Variants in BBX observed in about 807,000 individuals in gnomAD.
BBX encodes the protein HMG box transcription factor BBX.
BBX carries 30 observed loss-of-function variants against 100.2 expected under a neutral mutation model. The observed-to-expected ratio is 0.30, with a 90% CI of 0.22 to 0.41. The LOEUF (loss-of-function observed/expected upper bound fraction) is 0.41. Among genes scored for constraint, BBX ranks in the 10% least tolerant of loss-of-function variants. The pLI is 1.00. For synonymous variants in BBX, 376 were observed against 388.1 expected (o/e 0.97, Z 0.37); for missense variants, 1,023 against 1,129.8 (o/e 0.91, Z 1.35).
chr3:107,634,664 TCCTGTTACTGTTCAC>T (rs1333358075), intron 2 of BBX, among the ~76,000 whole-genome samples: 1 of 152,212 alleles, frequency 6.6e-6, no homozygotes, highest in Non-Finnish European at 1.5e-5. Context: ...GTGTTACTAT[TCCTGTTACTGTTCAC>T]CCTGAAAATA....
intron 8 of BBX, among the ~76,000 whole-genome samples, chr3:107,747,552 C>T (rs978173706): frequency 3.9e-5 from 6 of 152,170 alleles, no homozygotes; most frequent in Non-Finnish European, 8.8e-5. Flanking sequence ...TGCATCACAG[C>T]TGCCTCTAAC....
intron 3 of BBX, among the ~76,000 whole-genome samples, chr3:107,671,587 G>A (rs1181110515): frequency 6.6e-6 from 1 of 152,062 alleles, no homozygotes; most frequent in East Asian, 1.9e-4. Context: ...GTTCACTGAA[G>A]AAAGTCAATT....
At chr3:107,688,041 G>A (rs982169125) in intron 3 of BBX, among the ~76,000 whole-genome samples, 2 of 151,698 alleles carry the variant, frequency 1.3e-5, no homozygotes, top group East Asian at 1.9e-4. Context: ...CGTGATGAGC[G>A]AAACTCCATC....
At chr3:107,571,721 G>C (rs142187296) in intron 2 of BBX, among the ~76,000 whole-genome samples, 2 of 152,336 alleles carry the variant, frequency 1.3e-5, no homozygotes, top group African/African-American at 4.8e-5. Context: ...TGTCACGCGA[G>C]TCTATGTGAA....
chr3:107,709,070 G>A (rs1482951845), intron 3 of BBX, among the ~76,000 whole-genome samples: 1 of 152,174 alleles, frequency 6.6e-6, no homozygotes, highest in African/African-American at 2.4e-5. Flanking sequence ...ATATAGGATA[G>A]AAGGAATAAT....
intron 2 of BBX, among the ~76,000 whole-genome samples, chr3:107,534,479 CTCT>C (rs1229175733): frequency 1.3e-5 from 2 of 152,128 alleles, no homozygotes; most frequent in African/African-American, 2.4e-5. Flanking sequence ...CTCCCTCCTT[CTCT>C]TCTTCTTCCT....
chr3:107,668,724 T>G (rs1263616438), intron 3 of BBX, among the ~76,000 whole-genome samples: 3 of 152,226 alleles, frequency 2.0e-5, no homozygotes, highest in Non-Finnish European at 4.4e-5. Flanking sequence ...CATTGGAGCT[T>G]AATCAAGATT....
At chr3:107,523,799 C>T (rs2047540303) in intron 1 of BBX, 1 of 152,436 alleles carries the variant, frequency 6.6e-6, no homozygotes. Context: ...CCCAGTTGCT[C>T]GTTCATCTGG....
At chr3:107,533,144 A>G (rs1406678142) in intron 2 of BBX, among the ~76,000 whole-genome samples, 2 of 152,160 alleles carry the variant, frequency 1.3e-5, no homozygotes, top group African/African-American at 4.8e-5. Context: ...TCCTAGATAT[A>G]GCTAGGAATG....
At chr3:107,535,773 G>A (rs1325279356) in intron 2 of BBX, among the ~76,000 whole-genome samples, 1 of 151,878 alleles carries the variant, frequency 6.6e-6, no homozygotes, top group Admixed American at 6.6e-5. Flanking sequence ...TTGTATTAAT[G>A]TTTTTAGGAG....
At chr3:107,575,285 A>C (rs562273178) in intron 2 of BBX, among the ~76,000 whole-genome samples, 3 of 152,352 alleles carry the variant, frequency 2.0e-5, no homozygotes, top group South Asian at 4.1e-4. Flanking sequence ...TTAGTTGTTT[A>C]CCAAATGATG....
At chr3:107,663,137 G>C (rs1483640765) in intron 3 of BBX, among the ~76,000 whole-genome samples, 3 of 152,112 alleles carry the variant, frequency 2.0e-5, no homozygotes, top group Admixed American at 6.5e-5. Flanking sequence ...TTAAATATTA[G>C]AAATGGTGAA....
rs758730854 is a variant in BBX at position 107,728,843 on chromosome 3, C to T, written c.484C>T (p.Pro162Ser). Reference sequence around the variant, plus strand: ...AAACAAGCCTGTGAAATCCCCAACACCCACTGTCAATCCACGAAAGAAACT... The same window carrying T: ...AAACAAGCCTGTGAAATCCCCAACATCCACTGTCAATCCACGAAAGAAACT... ...TTNKPVKSPT[P>S]TVNPRKKLWA... Residue 162 changes from proline to serine, a missense_variant, in exon 6 of 18, where the codon CCC becomes TCC. Pro to Ser is a moderately conservative substitution (Grantham distance 74). Transcript: ENST00000325805. 1 of 1,613,806 alleles carries T rather than the reference C, an allele frequency of 6.2e-7. No homozygotes were observed. Among genetic ancestry groups the T allele is most frequent in the Non-Finnish European group, 8.5e-7 (1 of 1,179,874 alleles).
chr3:107,669,158 TGA>T (rs2058898139), intron 3 of BBX, among the ~76,000 whole-genome samples: 2 of 152,296 alleles, frequency 1.3e-5, no homozygotes, highest in African/African-American at 4.8e-5. Flanking sequence ...AATAAGAGGC[TGA>T]GTCACAGATT....
chr3:107,656,446 T>C (rs1477129016), intron 3 of BBX, among the ~76,000 whole-genome samples: 3 of 152,210 alleles, frequency 2.0e-5, no homozygotes, highest in African/African-American at 2.4e-5. Flanking sequence ...GGTTCTTTTA[T>C]AGCAATTTTC....
Position 107,785,174 on chromosome 3 carries a change from T to G in BBX, c.2204-4613T>G, listed in dbSNP as rs554382503. Among the ~76,000 whole-genome samples the G allele has an allele frequency of 3.4e-3, 501 of 147,480 alleles. 1 individual carries two copies. Among genetic ancestry groups the G allele is most frequent in the Non-Finnish European group, 5.2e-3 (350 of 66,692 alleles). On this transcript the variant is annotated intron_variant, in intron 13 of 17. Transcript: ENST00000325805. ...TTGAACTAGTAATTTTTAAAGTATC[T>G]GGGGGAAAAAAAAAAAAAAGCCCAG...
intron 7 of BBX, among the ~76,000 whole-genome samples, chr3:107,737,884 G>GTTTTGTTT (rs2063744620): frequency 2.0e-5 from 1 of 48,886 alleles, no homozygotes; most frequent in African/African-American, 8.9e-5. Context: ...CAGAGTTCCA[G>GTTTTGTTT]TTTTTTTTTT....
chr3:107,609,656 A>C (rs554229959), intron 2 of BBX, among the ~76,000 whole-genome samples: 1 of 151,628 alleles, frequency 6.6e-6, no homozygotes, highest in Admixed American at 6.6e-5. Flanking sequence ...CTACTTTTCC[A>C]ATTTATTGTT....
intron 2 of BBX, among the ~76,000 whole-genome samples, chr3:107,595,020 A>G (rs1329803521): frequency 1.6e-4 from 24 of 152,188 alleles, no homozygotes; most frequent in Admixed American, 1.6e-3. Context: ...CACAGGAATC[A>G]TAGAACAGAG....
Sources: allele counts gnomAD v4.1 joint callset (sites outside exome capture counted in the v4.1 genomes callset), GRCh38; gene constraint gnomAD v4.1.1; transcripts MANE v1.5; gene names NCBI Gene and HGNC (gene_info 2026-07-23, HGNC 2026-07-21).